The following RECQL5 variants were observed in gnomAD, a reference collection of about 807,000 sequenced individuals.
RECQL5 encodes the protein RecQ like helicase 5.
Under a neutral mutation model 103.4 loss-of-function variants are expected in RECQL5, and 88 were observed. That is an observed-to-expected ratio of 0.85 (90% CI 0.72 to 1.02). RECQL5 has a LOEUF of 1.02. RECQL5 is among the 50% of genes least tolerant of loss of function. The probability of loss-of-function intolerance (pLI) is 0.00; values close to 1 mark genes in which losing one functional copy is unlikely to be tolerated. For synonymous variants in RECQL5, 552 were observed against 507.9 expected, an observed-to-expected ratio of 1.09 and a Z score of -1.17; for missense variants, 1,232 against 1,284.3, an observed-to-expected ratio of 0.96 and a Z score of 0.62.
rs561778390 is a variant in RECQL5, at chr17:75,634,116, C to T, written c.1230-2448G>A. 156 of 985,532 alleles carry T rather than the reference C, an allele frequency of 1.6e-4. 3 individuals are homozygous for T. The South Asian group carries it at 4.1e-3, about 26-fold the overall frequency. 61.0% of individuals were successfully genotyped at this position (985,532 alleles called of 1,614,324 possible). A position where few individuals can be genotyped will look rare whatever the true frequency, so the allele number is the denominator to read the frequency against. On this transcript the variant is annotated intron_variant, in intron 8 of 19. Transcript: ENST00000317905. ...TGGGCTGAGGCGCCCAGGGGAGCAG[C>T]GGCGCCCACGAAGGAAGTACGAGGA...
In RECQL5 at chr17:75,661,011, G is replaced by A. The variant is rs980405730; in HGVS notation, c.930C>T (p.Val310=). Residue 310 remains valine, a synonymous_variant, in exon 6 of 20, where the codon GTC becomes GTT. Transcript: ENST00000317905. Reference sequence around the variant, plus strand: ...AACTAATGGTTGCAACAATTACAGGGACCTTCTCCTCCATCCAGTCGTTCT... The same window carrying A: ...AACTAATGGTTGCAACAATTACAGGAACCTTCTCCTCCATCCAGTCGTTCT... ...LVQNDWMEEK[V]PVIVATISFG... 6.2e-7 allele frequency: 1 copy of A among 1,614,194 alleles called. No individual in the cohort carries two copies. Among genetic ancestry groups the A allele is most frequent in the Admixed American group, 1.7e-5 (1 of 60,024 alleles).
Position 75,629,814 on chromosome 17 carries a change from T to C in RECQL5, c.1841A>G (p.Asp614Gly), listed in dbSNP as rs1237608682. The change falls in exon 15 of 20, where the codon GAT becomes GGT. Residue 614 changes from aspartate (D) to glycine (G), a missense_variant. Physicochemically the swap from Asp to Gly is moderately conservative, Grantham distance 94. Transcript: ENST00000317905. Reference protein sequence around the residue: ...KVADIHRASKDGQPYDMGGSA... With the variant: ...KVADIHRASKGGQPYDMGGSA... The stretch of plus-strand genomic sequence containing the variant: ...GCCTCCCATGTCATAGGGCTGCCCA[T>C]CCTTGGAGGCTCTGTGGATATCGGC... The C allele has an allele frequency of 1.2e-6, 2 of 1,612,894 alleles. No homozygotes were observed. The highest frequency in any genetic ancestry group is 2.2e-5 in the East Asian group (1 of 44,856).
chr17:75,627,294 A>G lies in RECQL5; in HGVS notation c.*128T>C. 1.3e-6 allele frequency: 1 copy of G among 795,160 alleles called. No homozygotes were observed. The highest frequency in any genetic ancestry group is 2.2e-6 in the Non-Finnish European group (1 of 464,458). 49.3% of individuals were successfully genotyped at this position (795,160 alleles called of 1,614,324 possible). The stretch of plus-strand genomic sequence containing the variant: ...CAGGGGGTGTCTGGGGTCATCCCCA[A>G]AGCCAAGTATGGTTGGAAAGGAGAA... On this transcript the variant is annotated 3_prime_UTR_variant, in exon 20 of 20. Coordinates refer to ENST00000317905, the MANE Select transcript of RECQL5 (RefSeq NM_004259.7).
At chr17:75,659,990 C>G (rs2059678058) in intron 6 of RECQL5, among the ~76,000 whole-genome samples, 1 of 152,188 alleles carries the variant, frequency 6.6e-6, no homozygotes, top group Non-Finnish European at 1.5e-5. Context: ...TTGCCTTTGA[C>G]CTTCCACAGG....
In RECQL5 at chr17:75,627,119, T is replaced by G; in HGVS notation, c.*303A>C. ...TTAGAACTCGGGGAGGGGCCACTCT[T>G]CCTTCCCCTTCTTCCAGCAGCAGCT... On this transcript the variant is annotated 3_prime_UTR_variant, in exon 20 of 20. Coordinates refer to ENST00000317905, the MANE Select transcript of RECQL5 (RefSeq NM_004259.7). 1 of 523,974 alleles carries G rather than the reference T, an allele frequency of 1.9e-6. No homozygotes were observed. Among genetic ancestry groups the G allele is most frequent in the Non-Finnish European group, 3.7e-6 (1 of 271,490 alleles). The allele number at this position is 523,974 out of a possible 1,614,324, so 32.5% of individuals were successfully genotyped here. A position where few individuals can be genotyped will look rare whatever the true frequency, so the allele number is the denominator to read the frequency against.
intron 8 of RECQL5, chr17:75,641,434 G>T: frequency 1.3e-5 from 2 of 155,128 alleles, no homozygotes; most frequent in South Asian, 2.0e-4. Context: ...CCTGAGGTTG[G>T]GCTGGGCTCT....
chr17:75,629,590 G>C, intron 15 of RECQL5, 115 bp from the exon 16 acceptor site: 3 of 1,505,604 alleles, frequency 2.0e-6, no homozygotes, highest in Non-Finnish European at 1.8e-6. Context: ...TGGGAGGGAA[G>C]AGGCAGGCAG....
intron 2 of RECQL5, 51 bp downstream of exon 2, chr17:75,666,377 G>C (rs778243540): frequency 6.2e-7 from 1 of 1,603,472 alleles, no homozygotes; most frequent in African/African-American, 1.3e-5. Context: ...CTGCCGCAGC[G>C]TTATGGTATA....
At chr17:75,657,804 C>T (rs144741056) in intron 7 of RECQL5, among the ~76,000 whole-genome samples, 3 of 148,514 alleles carry the variant, frequency 2.0e-5, no homozygotes, top group Non-Finnish European at 4.5e-5. Flanking sequence ...AACCCCAACA[C>T]TTTGGGAGGC....
intron 8 of RECQL5, chr17:75,633,319 G>T: frequency 3.0e-6 from 2 of 660,402 alleles, no homozygotes; most frequent in East Asian, 7.5e-5. Context: ...GCGGGGCTGG[G>T]GTCGGTTTCT....
Position 75,628,703 on chromosome 17 carries a change from G to C in RECQL5, c.2549C>G (p.Thr850Arg), listed in dbSNP as rs771640717. The C allele has an allele frequency of 6.3e-7, 1 of 1,591,242 alleles. No homozygotes were observed. The highest frequency in any genetic ancestry group is 1.9e-5 in the Admixed American group (1 of 51,578). Residue 850 changes from threonine (T) to arginine (R), a missense_variant, in exon 17 of 20, where the codon ACA becomes AGA. Physicochemically the swap from Thr to Arg is moderately conservative, Grantham distance 71. Coordinates refer to ENST00000317905, the MANE Select transcript of RECQL5 (RefSeq NM_004259.7). ...GGATCGAGGCCGCTTGCCCTTCCAT[G>C]TGTCCTTTGCAGGGGTGGGCTGGAC... is the stretch of plus-strand genomic sequence containing the variant. ...PEVQPTPAKD[T>R]WKGKRPRSQQ...
rs959410822 is a variant in RECQL5, at chr17:75,631,495, G to A, written c.1403C>T (p.Pro468Leu). 4 of 1,613,296 alleles carry A rather than the reference G, an allele frequency of 2.5e-6. No individual in the cohort carries two copies. In the Admixed American group the frequency reaches 5.0e-5, roughly 20 times the overall value. ...IGPSQGNGFD[P>L]ELYEGGRKGY... ...CTTGCGGCCTCCCTCATACAGCTCG[G>A]GGTCAAAGCCGTTCCCCTGGGAGGG... The change falls in exon 9 of 20, where the codon CCC becomes CTC. Residue 468 changes from proline (P) to leucine (L), a missense_variant. Transcript: ENST00000317905.
chr17:75,628,517 G>C, intron 17 of RECQL5, 75 bp from the exon 18 acceptor site: 1 of 1,551,028 alleles, frequency 6.4e-7, no homozygotes, highest in South Asian at 1.1e-5. Flanking sequence ...AGAAGACTGG[G>C]TCCCCGCACC....
chr17:75,658,578 C>T, intron 6 of RECQL5, 118 bp from the exon 7 acceptor site: 3 of 912,414 alleles, frequency 3.3e-6, no homozygotes, highest in South Asian at 1.6e-5. Flanking sequence ...GAGGGATAGT[C>T]CCAGAGTTAG....
In RECQL5 at chr17:75,631,755, G is replaced by A. The variant is rs1016879513; in HGVS notation, c.1230-87C>T. ...CCCGAGCCTGAATCGCTAGCTGAGC[G>A]AGCACTGCCGCGTCCGGCACCATGC... On this transcript the variant is annotated intron_variant, in intron 8 of 19. Coordinates refer to ENST00000317905, the MANE Select transcript of RECQL5 (RefSeq NM_004259.7). The A allele has an allele frequency of 4.2e-5, 57 of 1,361,092 alleles. No individual in the cohort carries two copies. The East Asian group carries it at 4.9e-4, about 12-fold the overall frequency. 84.3% of individuals were successfully genotyped at this position (1,361,092 alleles called of 1,614,324 possible).
In RECQL5 at chr17:75,650,771, G is replaced by A. The variant is rs986957349; in HGVS notation, c.1229+415C>T. On this transcript the variant is annotated intron_variant, in intron 8 of 19. Transcript: ENST00000317905. ...GAGTTCAAAGCACATGACTCCCCGA[G>A]GTAAGTGGGGCCACAGGCTTCTGTG... is the stretch of plus-strand genomic sequence containing the variant. The A allele has an allele frequency of 2.5e-6, 4 of 1,581,996 alleles. No homozygotes were observed. The African/African-American group carries it at 5.4e-5, about 21-fold the overall frequency.
rs200403434 is a variant in RECQL5, at chr17:75,629,126, C to T, written c.2297G>A (p.Arg766His). ...AAHKDSQSIARFFCRRVESPA... is the reference protein window; with the variant it reads ...AAHKDSQSIAHFFCRRVESPA... The stretch of plus-strand genomic sequence containing the variant: ...GCTTTCCACCCTTCGGCAGAAGAAG[C>T]GGGCGATGCTCTGAGAATCCTTGTG... The change falls in exon 16 of 20, where the codon CGC becomes CAC. Residue 766 changes from arginine (R) to histidine (H), a missense_variant. By Grantham distance (29) the Arg-to-His change is conservative. Transcript: ENST00000317905. The T allele has an allele frequency of 1.1e-4, 177 of 1,613,630 alleles. No homozygotes were observed. The highest frequency in any genetic ancestry group is 1.3e-4 in the Non-Finnish European group (156 of 1,179,996).
At chr17:75,665,007 C>T in intron 3 of RECQL5, 44 bp downstream of exon 3, 1 of 1,502,226 alleles carries the variant, frequency 6.7e-7, no homozygotes, top group Non-Finnish European at 8.9e-7. Flanking sequence ...AAAAACCTTC[C>T]CCGAATCTTT....
chr17:75,630,554 G>A lies in RECQL5; in HGVS notation c.1718+65C>T, dbSNP rs567362100. The A allele has an allele frequency of 1.2e-5, 19 of 1,543,492 alleles. No homozygotes were observed. In the South Asian group the frequency reaches 1.3e-4, roughly 11 times the overall value. The stretch of plus-strand genomic sequence containing the variant: ...GCCCAAACAGGCCAGGGTTGACAGG[G>A]TCCTGCAGTCTCCAAGGGAACGAGA... On this transcript the variant is annotated intron_variant, in intron 13 of 19. Transcript: ENST00000317905.
Sources: gnomAD v4.1 joint callset for allele counts (sites outside exome capture counted in the v4.1 genomes callset) on GRCh38, gnomAD v4.1.1 for gene constraint, MANE v1.5 for transcripts, NCBI Gene and HGNC (gene_info 2026-07-23, HGNC 2026-07-21) for gene names.